Variants in KANSL3 observed in about 807,000 individuals in gnomAD.
KANSL3 encodes the protein KAT8 regulatory NSL complex subunit 3, also known as NSL complex protein NSL3.
Under a neutral mutation model 89.2 loss-of-function variants are expected in KANSL3, and 16 were observed. The observed-to-expected ratio is 0.18, with a 90% CI of 0.12 to 0.27. KANSL3 has a LOEUF of 0.27. Ranked by LOEUF, KANSL3 falls within the 10% of genes least tolerant of loss-of-function variation. KANSL3 has a pLI of 1.00. For synonymous variants in KANSL3, 385 were observed against 419.7 expected (o/e 0.92, Z 1.01); for missense variants, 879 against 1,110.6 (o/e 0.79, Z 2.96).
At chr2:96,601,333 G>C (rs1309730405) in intron 20 of KANSL3, 1 of 985,244 alleles carries the variant, frequency 1.0e-6, no homozygotes, top group Non-Finnish European at 1.2e-6. Flanking sequence ...ACCTCTGAAG[G>C]ATGAAACCAA....
intron 5 of KANSL3, among the ~76,000 whole-genome samples, chr2:96,614,776 A>T (rs1224190404): frequency 6.6e-6 from 1 of 151,172 alleles, no homozygotes; most frequent in Non-Finnish European, 1.5e-5. Flanking sequence ...TCTCAAAAAA[A>T]AGAAAAAAAA....
At chr2:96,597,454 T>C (rs1014754642) in intron 20 of KANSL3, among the ~76,000 whole-genome samples, 2 of 152,160 alleles carry the variant, frequency 1.3e-5, no homozygotes, top group Admixed American at 1.3e-4. Context: ...ACCTGACCCA[T>C]AGTCCAGTGC....
In KANSL3 at chr2:96,593,246, T is replaced by C. The variant is rs1376025193; in HGVS notation, c.*2365A>G. ...CACAGCCGCTCAGCTCTATAACCCA[T>C]CCAGCCCAAGACTGTTCTAGTGGTG... On this transcript the variant is annotated 3_prime_UTR_variant, in exon 21 of 21. Transcript: ENST00000431828. The C allele has an allele frequency of 4.4e-6, 2 of 455,930 alleles. No individual in the cohort carries two copies. Among genetic ancestry groups the C allele is most frequent in the Non-Finnish European group, 8.8e-6 (2 of 226,790 alleles). The allele number at this position is 455,930 out of a possible 1,614,324, so 28.2% of individuals were successfully genotyped here. A position where few individuals can be genotyped will look rare whatever the true frequency, so the allele number is the denominator to read the frequency against.
At chr2:96,604,585 G>T (rs2067689031) in intron 16 of KANSL3, among the ~76,000 whole-genome samples, 194 bp downstream of exon 16, 1 of 152,132 alleles carries the variant, frequency 6.6e-6, no homozygotes, top group Admixed American at 6.5e-5. Flanking sequence ...AAAAGCCAGG[G>T]GACGATTTGG....
intron 20 of KANSL3, 86 bp from the exon 21 acceptor site, chr2:96,595,717 C>T (rs1185566373): frequency 1.4e-6 from 2 of 1,413,968 alleles, no homozygotes; most frequent in Non-Finnish European, 9.8e-7. Context: ...TATCCCAACT[C>T]CTGAGAATTT....
chr2:96,606,935 T>C (rs929246825), intron 14 of KANSL3: 2 of 1,162,520 alleles, frequency 1.7e-6, no homozygotes, highest in Non-Finnish European at 2.3e-6. Context: ...GAGCAGAATG[T>C]AGTGGACGAG....
intron 5 of KANSL3, among the ~76,000 whole-genome samples, chr2:96,614,714 T>C (rs2105585973): frequency 6.8e-6 from 1 of 147,928 alleles, no homozygotes; most frequent in Admixed American, 6.9e-5. Flanking sequence ...GAGGTTGTGG[T>C]GAGCCAAGGT....
intron 13 of KANSL3, 49 bp downstream of exon 13, chr2:96,608,815 C>G (rs1218505495): frequency 5.9e-6 from 9 of 1,522,008 alleles, no homozygotes; most frequent in Non-Finnish European, 8.0e-6. Flanking sequence ...GGAACCAACT[C>G]TGTGGTGCTG....
At chr2:96,628,140 C>G in intron 3 of KANSL3, 1 of 1,289,792 alleles carries the variant, frequency 7.8e-7, no homozygotes, top group African/African-American at 1.5e-5. Flanking sequence ...AAAGGACAGG[C>G]AGGAGAAGGT....
intron 14 of KANSL3, among the ~76,000 whole-genome samples, chr2:96,608,279 C>T (rs572923000): frequency 1.3e-5 from 2 of 152,186 alleles, no homozygotes; most frequent in Non-Finnish European, 1.5e-5. Context: ...CTAGCCTCCC[C>T]AGAACAGCAA....
At chr2:96,614,929 T>TA (rs1249063476) in intron 5 of KANSL3, 2 of 151,304 alleles carry the variant, frequency 1.3e-5, no homozygotes, top group African/African-American at 4.9e-5. Flanking sequence ...CCCTAAAACT[T>TA]AAAGTATAAT....
chr2:96,605,590 C>T (rs2067855969), intron 14 of KANSL3, 79 bp from the exon 15 acceptor site: 1 of 1,179,240 alleles, frequency 8.5e-7, no homozygotes, highest in South Asian at 1.3e-5. Context: ...AGCACCAACA[C>T]AGCCATGTGT....
At chr2:96,620,657 A>C (rs559869089) in intron 3 of KANSL3, among the ~76,000 whole-genome samples, 1 of 152,256 alleles carries the variant, frequency 6.6e-6, no homozygotes, top group African/African-American at 2.4e-5. Context: ...AAAGAAAGGC[A>C]ATTGAAGATG....
At chr2:96,628,186 G>A (rs1196466578) in intron 3 of KANSL3, 2 of 1,277,836 alleles carry the variant, frequency 1.6e-6, no homozygotes, top group Non-Finnish European at 2.0e-6. Context: ...ATCTTGCCTA[G>A]AGGAAAGATG....
At chr2:96,595,668 T>C (rs773278522) in intron 20 of KANSL3, 37 bp from the exon 21 acceptor site, 2 of 1,612,216 alleles carry the variant, frequency 1.2e-6, no homozygotes, top group Admixed American at 1.7e-5. Context: ...GGTCAAAGCT[T>C]TGACAGGTTA....
chr2:96,614,845 C>T (rs536037825), intron 5 of KANSL3, among the ~76,000 whole-genome samples: 34 of 148,440 alleles, frequency 2.3e-4, no homozygotes, highest in African/African-American at 6.7e-4. Flanking sequence ...TGCTAAATGA[C>T]GAGTTAATGG....
At chr2:96,599,427 T>C (rs888368809) in intron 20 of KANSL3, among the ~76,000 whole-genome samples, 2 of 152,248 alleles carry the variant, frequency 1.3e-5, no homozygotes, top group Non-Finnish European at 2.9e-5. Flanking sequence ...GTATGTTATA[T>C]ATGTTTTACC....
Position 96,604,860 on chromosome 2 carries a change from G to A in KANSL3, c.1937C>T (p.Ala646Val). Reference protein sequence around the residue: ...APSQGSAPEAAGGKPITMTLG... With the variant: ...APSQGSAPEAVGGKPITMTLG... The stretch of plus-strand genomic sequence containing the variant: ...TGTCATGGTGATGGGCTTCCCACCT[G>A]CAGCTTCAAAACAGAAAACCCCAAG... The change falls in exon 16 of 21, where the codon GCA becomes GTA. Residue 646 changes from alanine (A) to valine (V), a missense_variant. By Grantham distance (64) the Ala-to-Val change is moderately conservative (BLOSUM62 0). Around this residue, in one of 6 missense-constraint regions of KANSL3, gnomAD observed 317 missense variants for 311.2 expected, o/e 1.02. Transcript: ENST00000431828. 1.3e-6 allele frequency: 2 copies of A among 1,589,996 alleles called. No homozygotes were observed. The highest frequency in any genetic ancestry group is 1.3e-5 in the African/African-American group (1 of 74,482).
intron 3 of KANSL3, among the ~76,000 whole-genome samples, chr2:96,629,448 G>C (rs375115868): frequency 6.6e-6 from 1 of 152,034 alleles, no homozygotes; most frequent in African/African-American, 2.4e-5. Context: ...TCAGCCTCCC[G>C]AGTAGCTGGG....
Sources: gnomAD v4.1 joint callset for allele counts (sites outside exome capture counted in the v4.1 genomes callset) on GRCh38, gnomAD v4.1.1 for gene constraint, gnomAD v4.1.1 regional missense constraint, MANE v1.5 for transcripts, NCBI Gene and HGNC (gene_info 2026-07-23, HGNC 2026-07-21) for gene names.